MMS22L: variants seen among roughly 807,000 people sequenced by gnomAD.
The protein encoded by MMS22L is MMS22 like, DNA repair protein, also known as protein MMS22-like.
A neutral mutation model predicts 159.1 loss-of-function variants in MMS22L; 74 were observed. That is an observed-to-expected ratio of 0.47 (90% confidence interval 0.39 to 0.56). The LOEUF (loss-of-function observed/expected upper bound fraction) is 0.56. Ranked by LOEUF, MMS22L falls within the 20% of genes least tolerant of loss-of-function variation. MMS22L has a pLI of 0.00. For missense variants in MMS22L, 1,351 were observed against 1,422.1 expected (o/e 0.95, Z 0.80); for synonymous variants, 517 against 506.9 (o/e 1.02, Z -0.27).
intron 15 of MMS22L, among the ~76,000 whole-genome samples, chr6:97,184,490 C>T (rs751180488): frequency 5.3e-5 from 8 of 151,992 alleles, no homozygotes; most frequent in Non-Finnish European, 8.8e-5. Flanking sequence ...ATTTAATGAA[C>T]ATCTTAAAAA....
At chr6:97,185,500 T>C (rs954763346) in intron 15 of MMS22L, among the ~76,000 whole-genome samples, 7 of 152,192 alleles carry the variant, frequency 4.6e-5, no homozygotes, top group African/African-American at 1.4e-4. Flanking sequence ...GTTGGGATGA[T>C]GCATGTACAC....
At chr6:97,256,969 G>A (rs1192517492) in intron 9 of MMS22L, among the ~76,000 whole-genome samples, 3 of 151,978 alleles carry the variant, frequency 2.0e-5, no homozygotes, top group Non-Finnish European at 4.4e-5. Context: ...ATAAAATAAA[G>A]TAACACATTT....
intron 14 of MMS22L, among the ~76,000 whole-genome samples, chr6:97,211,437 CAT>C (rs1461399424): frequency 6.6e-6 from 1 of 152,008 alleles, no homozygotes; most frequent in Non-Finnish European, 1.5e-5. Context: ...TCAAAGCAAA[CAT>C]ATCAAAAGAT....
chr6:97,240,498 T>A (rs1811937666), intron 11 of MMS22L, among the ~76,000 whole-genome samples: 1 of 152,134 alleles, frequency 6.6e-6, no homozygotes, highest in Non-Finnish European at 1.5e-5. Context: ...CTGACCTACT[T>A]TTTTCCCCAC....
chr6:97,191,243 G>C (rs149348336), intron 14 of MMS22L, among the ~76,000 whole-genome samples: 173 of 152,228 alleles, frequency 1.1e-3, no homozygotes, highest in Admixed American at 3.2e-3. Context: ...TGCCAGTCTG[G>C]TCTCTCAGTT....
chr6:97,254,503 A>T (rs773867771), intron 10 of MMS22L, 54 bp downstream of exon 10: 8 of 1,417,020 alleles, frequency 5.6e-6, no homozygotes, highest in Admixed American at 2.0e-5. Context: ...ATTTGTCCAA[A>T]TAATTACATA....
chr6:97,277,397 G>C (rs1324175821), intron 4 of MMS22L, among the ~76,000 whole-genome samples: 1 of 152,102 alleles, frequency 6.6e-6, no homozygotes, highest in Non-Finnish European at 1.5e-5. Flanking sequence ...CTGGGTGACA[G>C]AGCGAGACTC....
chr6:97,234,246 CA>C (rs1443797695), intron 11 of MMS22L, among the ~76,000 whole-genome samples: 1 of 152,032 alleles, frequency 6.6e-6, no homozygotes, highest in Non-Finnish European at 1.5e-5. Flanking sequence ...ACAGGTGTTT[CA>C]TAATTGAATG....
intron 22 of MMS22L, among the ~76,000 whole-genome samples, chr6:97,158,379 C>G (rs1700352821): frequency 6.6e-6 from 1 of 152,024 alleles, no homozygotes; most frequent in African/African-American, 2.4e-5. Flanking sequence ...GCTCTTGCTT[C>G]TCTAGTTATT....
chr6:97,165,549 T>G lies in MMS22L; in HGVS notation c.3010-92A>C, dbSNP rs946473911. ...TCACTAATGAAGTCCCCAGCATTAATAATCATGTGAGAATATAAAAATCAA... is the reference window on the plus strand; with the variant it reads ...TCACTAATGAAGTCCCCAGCATTAAGAATCATGTGAGAATATAAAAATCAA... On this transcript the variant is annotated intron_variant, in intron 20 of 24. Coordinates refer to ENST00000683635, the MANE Select transcript of MMS22L (RefSeq NM_001350599.2). 4.0e-6 allele frequency: 4 copies of G among 993,952 alleles called. No homozygotes were observed. In the East Asian group the frequency reaches 1.0e-4, roughly 26 times the overall value. The allele number at this position is 993,952 out of a possible 1,614,324, so 61.6% of individuals were successfully genotyped here.
At chr6:97,208,907 C>A (rs946427695) in intron 14 of MMS22L, among the ~76,000 whole-genome samples, 3 of 151,994 alleles carry the variant, frequency 2.0e-5, no homozygotes, top group African/African-American at 7.2e-5. Context: ...AAACATTTAA[C>A]CCGTCCCAAC....
At chr6:97,150,155 T>A in intron 23 of MMS22L, 135 bp from the exon 24 acceptor site, 1 of 618,204 alleles carries the variant, frequency 1.6e-6, no homozygotes. Flanking sequence ...CTGGATGCAA[T>A]ATGAAAACTA....
At chr6:97,248,619 G>A (rs1171766463) in intron 10 of MMS22L, among the ~76,000 whole-genome samples, 1 of 152,132 alleles carries the variant, frequency 6.6e-6, no homozygotes, top group African/African-American at 2.4e-5. Flanking sequence ...CAGCACTTTG[G>A]GAGGCCGAAG....
At chr6:97,179,617 T>C in intron 16 of MMS22L, 58 bp from the exon 17 acceptor site, 1,457 of 1,223,186 alleles carry the variant, frequency 1.2e-3, no homozygotes, top group Non-Finnish European at 1.5e-3. Flanking sequence ...AGTATAGAGA[T>C]TAAGAAGTAA....
Position 97,214,685 on chromosome 6 carries a change from G to GTT in MMS22L, c.2039+14207_2039+14208dup, listed in dbSNP as rs11398586. Among the ~76,000 whole-genome samples the GTT allele has an allele frequency of 4.9e-3, 653 of 133,778 alleles. 8 individuals are homozygous for GTT. Among genetic ancestry groups the GTT allele is most frequent in the South Asian group, 0.016 (69 of 4,294 alleles). 87.8% of individuals were successfully genotyped at this position (133,778 alleles called of 152,430 possible). On this transcript the variant is annotated intron_variant, in intron 14 of 24. Coordinates refer to ENST00000683635, the MANE Select transcript of MMS22L (RefSeq NM_001350599.2). ...ATCATAAGATTTTACTATTTTTTTT[G>GTT]TTTTTTTTTTTTTTTCAAATCATTT...
At chr6:97,242,489 G>C (rs867641010) in intron 11 of MMS22L, among the ~76,000 whole-genome samples, 5 of 152,224 alleles carry the variant, frequency 3.3e-5, no homozygotes, top group Middle Eastern at 3.4e-3. Context: ...GAGTCCTTAT[G>C]TGTTAAGTCT....
chr6:97,191,267 A>G (rs1805835563), intron 14 of MMS22L, among the ~76,000 whole-genome samples: 1 of 152,066 alleles, frequency 6.6e-6, no homozygotes, highest in Non-Finnish European at 1.5e-5. Context: ...GCTCCTCCCT[A>G]GTAACTTAGG....
intron 4 of MMS22L, among the ~76,000 whole-genome samples, chr6:97,277,950 C>T (rs975035013): frequency 6.6e-6 from 1 of 152,136 alleles, no homozygotes; most frequent in Non-Finnish European, 1.5e-5. Context: ...ACTTAACACG[C>T]TCAACAAAGT....
At chr6:97,240,217 G>C (rs1811906233) in intron 11 of MMS22L, among the ~76,000 whole-genome samples, 2 of 152,140 alleles carry the variant, frequency 1.3e-5, no homozygotes, top group Admixed American at 1.3e-4. Context: ...ACTACTTATA[G>C]AATATAATTT....
Sources: allele counts gnomAD v4.1 joint callset (sites outside exome capture counted in the v4.1 genomes callset), GRCh38; gene constraint gnomAD v4.1.1; transcripts MANE v1.5; gene names NCBI Gene and HGNC (gene_info 2026-07-23, HGNC 2026-07-21).